The following BDP1 variants were observed in gnomAD, a reference collection of about 807,000 sequenced individuals.
BDP1 encodes transcription factor TFIIIB component B'' homolog.
BDP1 carries 169 observed loss-of-function variants against 266.6 expected under a neutral mutation model. The ratio of observed to expected loss-of-function variants is 0.63; its 90% CI spans 0.56 to 0.72. BDP1 has a LOEUF of 0.72. BDP1 is among the 30% of genes least tolerant of loss of function. BDP1 has a pLI of 0.00. For synonymous variants in BDP1, 1,090 were observed against 1,022.4 expected (o/e 1.07, Z -1.26); for missense variants, 3,015 against 3,053.8 (o/e 0.99, Z 0.30).
intron 8 of BDP1, 61 bp from the exon 9 acceptor site, chr5:71,486,423 A>G (rs1407360247): frequency 7.0e-7 from 1 of 1,429,632 alleles, no homozygotes; most frequent in African/African-American, 1.5e-5. Flanking sequence ...TGATACTTTA[A>G]AAGCTAGAAG....
chr5:71,510,947 T>G lies in BDP1; in HGVS notation c.3855T>G (p.Thr1285=). 1 of 1,614,102 alleles carries G rather than the reference T, an allele frequency of 6.2e-7. No individual in the cohort carries two copies. Among genetic ancestry groups the G allele is most frequent in the Non-Finnish European group, 8.5e-7 (1 of 1,180,028 alleles). ...AAATGGAGGCAGATTTGAAAGAAAC[T>G]GGAAAAGAAAATTTTAGAGAGAGAG... ...VEEMEADLKE[T]GKENFRERGS... is the part of the protein sequence containing the mutation. Residue 1285 remains threonine, a synonymous_variant, in exon 17 of 39, where the codon ACT becomes ACG. Coordinates refer to ENST00000358731, the MANE Select transcript of BDP1 (RefSeq NM_018429.3).
chr5:71,534,021 A>G (rs551939448), intron 26 of BDP1, among the ~76,000 whole-genome samples: 4 of 152,292 alleles, frequency 2.6e-5, no homozygotes, highest in South Asian at 4.1e-4. Flanking sequence ...ATGATTTGCA[A>G]ATATTTCCTC....
intron 13 of BDP1, among the ~76,000 whole-genome samples, chr5:71,499,641 A>C (rs982300507): frequency 1.2e-4 from 18 of 152,336 alleles, no homozygotes; most frequent in African/African-American, 4.3e-4. Flanking sequence ...AAATTAAAAA[A>C]AAACCCTTTT....
intron 32 of BDP1, among the ~76,000 whole-genome samples, chr5:71,548,220 C>T (rs1270752954): frequency 9.2e-5 from 14 of 152,020 alleles, no homozygotes; most frequent in Non-Finnish European, 1.3e-4. Flanking sequence ...GCCCAGGAGG[C>T]GGAGGTTGTG....
chr5:71,509,644 T>G lies in BDP1; in HGVS notation c.2552T>G (p.Val851Gly). 6.2e-7 allele frequency: 1 copy of G among 1,613,190 alleles called. No homozygotes were observed. The highest frequency in any genetic ancestry group is 1.1e-5 in the South Asian group (1 of 90,916). Residue 851 changes from valine (V) to glycine (G), a missense_variant, in exon 17 of 39, where the codon GTA becomes GGA. Val to Gly is a moderately radical substitution (Grantham distance 109, BLOSUM62 -3). Coordinates refer to ENST00000358731, the MANE Select transcript of BDP1 (RefSeq NM_018429.3). ...ATGGCGGCAGCATTGAGAGAAACTG[T>G]AAGACTAGACACCTCACCAAAGGAG... Reference protein sequence around the residue: ...GEMAAALRETVRLDTSPKEMV... With the variant: ...GEMAAALRETGRLDTSPKEMV...
chr5:71,544,310 T>C, intron 30 of BDP1, 47 bp from the exon 31 acceptor site: 1 of 1,546,554 alleles, frequency 6.5e-7, no homozygotes, highest in Non-Finnish European at 8.8e-7. Flanking sequence ...ACAGGGATTT[T>C]AGCTGTATTA....
chr5:71,557,375 ATTTTTTTTT>A (rs55810132), intron 36 of BDP1, among the ~76,000 whole-genome samples: 9 of 103,350 alleles, frequency 8.7e-5, no homozygotes, highest in Non-Finnish European at 1.6e-4. Context: ...TGCCAAGCTA[ATTTTTTTTT>A]TTTTTTTTTT....
intron 19 of BDP1, among the ~76,000 whole-genome samples, chr5:71,514,529 CATT>C (rs1194030595): frequency 6.6e-6 from 1 of 152,058 alleles, no homozygotes; most frequent in African/African-American, 2.4e-5. Context: ...TCCAAAATGA[CATT>C]AATTCTTGCT....
At chr5:71,531,302 A>G (rs1269372629) in intron 25 of BDP1, among the ~76,000 whole-genome samples, 1 of 152,140 alleles carries the variant, frequency 6.6e-6, no homozygotes, top group Admixed American at 6.6e-5. Flanking sequence ...ACCAGACTAT[A>G]TTGTATGTAT....
rs750483932 is a variant in BDP1, at chr5:71,510,867, A to G, written c.3775A>G (p.Lys1259Glu). The change falls in exon 17 of 39, where the codon AAA (lysine) becomes GAA (glutamate). Residue 1259 changes from lysine (K) to glutamate (E), a missense_variant. Lys to Glu is a moderately conservative substitution (Grantham distance 56). Transcript: ENST00000358731. ...EKEIDLKETG[K>E]RDIPIMEKVS... is the part of the protein sequence containing the mutation. ...GGAGATTGATTTGAAAGAAACTGGA[A>G]AAAGAGACATTCCCATCATGGAGAA... 22 of 1,613,568 alleles carry G rather than the reference A, an allele frequency of 1.4e-5. No homozygotes were observed. Among genetic ancestry groups the G allele is most frequent in the Non-Finnish European group, 4.2e-6 (5 of 1,179,742 alleles).
At chr5:71,543,805 A>G (rs1169882521) in intron 30 of BDP1, among the ~76,000 whole-genome samples, 2 of 152,230 alleles carry the variant, frequency 1.3e-5, no homozygotes, top group Admixed American at 1.3e-4. Flanking sequence ...GAGTGCTTCC[A>G]ACATCATTAA....
rs1170427443 is a variant in BDP1, at chr5:71,517,325, A to G, written c.4864A>G (p.Asn1622Asp). The G allele has an allele frequency of 5.0e-6, 8 of 1,597,354 alleles. No homozygotes were observed. The highest frequency in any genetic ancestry group is 6.8e-6 in the Non-Finnish European group (8 of 1,175,090). ...ETEKKVLTVS[N>D]SQIETEIEVP... Reference sequence around the variant, plus strand: ...TAATATGATTTTGTCTTTTCAGTCAAATTCTCAAATTGAAACTGAAATTGA... The same window carrying G: ...TAATATGATTTTGTCTTTTCAGTCAGATTCTCAAATTGAAACTGAAATTGA... The change falls in exon 22 of 39, where the codon AAT becomes GAT. Residue 1622 changes from asparagine to aspartate, a missense_variant. Asn to Asp is a conservative substitution (Grantham distance 23). This residue lies in a region of BDP1 where 2,383 missense variants were observed against 2,404.9 expected (regional missense o/e 0.99). Coordinates refer to ENST00000358731, the MANE Select transcript of BDP1 (RefSeq NM_018429.3).
intron 16 of BDP1, among the ~76,000 whole-genome samples, chr5:71,507,146 C>T (rs1270497946): frequency 1.3e-5 from 2 of 152,096 alleles, no homozygotes; most frequent in Admixed American, 6.6e-5. Context: ...GATTCTTAAA[C>T]TCCGTGTTTT....
At chr5:71,514,208 A>T (rs145797480) in intron 19 of BDP1, among the ~76,000 whole-genome samples, 1 of 152,202 alleles carries the variant, frequency 6.6e-6, no homozygotes, top group African/African-American at 2.4e-5. Flanking sequence ...TTCCACATTC[A>T]GTGGAAGTCC....
chr5:71,559,259 A>G (rs1414414786), intron 36 of BDP1, among the ~76,000 whole-genome samples: 3 of 152,206 alleles, frequency 2.0e-5, no homozygotes, highest in Non-Finnish European at 4.4e-5. Context: ...TACAGCCTCT[A>G]GAGATGTTCT....
intron 11 of BDP1, chr5:71,494,357 T>G (rs1031860829): frequency 6.6e-6 from 1 of 152,252 alleles, no homozygotes; most frequent in African/African-American, 2.4e-5. Flanking sequence ...AGAGTCTTGC[T>G]CTGTCGCCCA....
chr5:71,487,368 A>G (rs983981715), intron 9 of BDP1, among the ~76,000 whole-genome samples: 1 of 151,916 alleles, frequency 6.6e-6, no homozygotes, highest in African/African-American at 2.4e-5. Context: ...CAGCCTCCCG[A>G]GTAGCTGGGA....
chr5:71,545,151 A>G lies in BDP1; in HGVS notation c.6676A>G (p.Asn2226Asp), dbSNP rs766474495. ...TGGTTTGGATAGGGGTCTTGGTGAAAATTCTGTTGAAGAGCCCCAGATAAA... is the reference window on the plus strand; with the variant it reads ...TGGTTTGGATAGGGGTCTTGGTGAAGATTCTGTTGAAGAGCCCCAGATAAA... ...TLGLDRGLGE[N>D]SVEEPQIKDS... The change falls in exon 32 of 39, where the codon AAT becomes GAT. Residue 2226 changes from asparagine to aspartate, a missense_variant. Around this residue, in one of 3 missense-constraint regions of BDP1, gnomAD observed 629 missense variants for 632.5 expected, o/e 0.99. Transcript: ENST00000358731. 5.0e-6 allele frequency: 8 copies of G among 1,613,776 alleles called. No homozygotes were observed. Among genetic ancestry groups the G allele is most frequent in the East Asian group, 4.5e-5 (2 of 44,850 alleles).
chr5:71,563,641 G>A (rs543105238), intron 38 of BDP1, among the ~76,000 whole-genome samples: 7 of 152,150 alleles, frequency 4.6e-5, no homozygotes, highest in East Asian at 1.9e-4. Context: ...AGCTGGGTGC[G>A]GTGGCTCACG....
Sources: gnomAD v4.1 joint callset for allele counts (sites outside exome capture counted in the v4.1 genomes callset) on GRCh38, gnomAD v4.1.1 for gene constraint, gnomAD v4.1.1 regional missense constraint, MANE v1.5 for transcripts, NCBI Gene and HGNC (gene_info 2026-07-23, HGNC 2026-07-21) for gene names.